The following BCL7A variants were observed in gnomAD, a reference collection of about 807,000 sequenced individuals.
The protein encoded by BCL7A is B-cell CLL/lymphoma 7 protein family member A.
Under a neutral mutation model 28.4 loss-of-function variants are expected in BCL7A, and 11 were observed. The observed-to-expected ratio is 0.39, with a 90% confidence interval of 0.24 to 0.64. The LOEUF (loss-of-function observed/expected upper bound fraction) is 0.64. BCL7A is among the 30% of genes least tolerant of loss of function. The pLI is 0.50. For missense variants in BCL7A, 222 were observed against 274.8 expected, an observed-to-expected ratio of 0.81 and a Z score of 1.36; for synonymous variants, 123 against 103.3, an observed-to-expected ratio of 1.19 and a Z score of -1.15.
chr12:122,021,955 T>A lies in BCL7A; in HGVS notation c.-137T>A, dbSNP rs576086277. 802 of 592,084 alleles carry A rather than the reference T, an allele frequency of 1.4e-3. 4 individuals are homozygous for A. The highest frequency in any genetic ancestry group is 1.9e-3 in the East Asian group (59 of 31,612). The allele number at this position is 592,084 out of a possible 1,614,324, so 36.7% of individuals were successfully genotyped here. On this transcript the variant is annotated 5_prime_UTR_variant, in exon 1 of 6. Transcript: ENST00000261822. ...ATGTGTGTGTGTGTGTGTGTGTGTG[T>A]GTGAGTGTGTGCGTGTGAGAGTGCG...
intron 1 of BCL7A, among the ~76,000 whole-genome samples, chr12:122,023,833 T>A (rs568840490): frequency 6.6e-6 from 1 of 152,126 alleles, no homozygotes; most frequent in African/African-American, 2.4e-5. Context: ...GTTGCTCCCC[T>A]CCTTGCCTCA....
intron 4 of BCL7A, among the ~76,000 whole-genome samples, chr12:122,052,675 TTTGTTTTTTG>T: frequency 6.6e-6 from 1 of 151,824 alleles, no homozygotes; most frequent in Non-Finnish European, 1.5e-5. Flanking sequence ...TTTTTATTGT[TTTGTTTTTTG>T]TTTTGTTTTG....
chr12:122,056,452 G>A (rs893649547), intron 5 of BCL7A, among the ~76,000 whole-genome samples: 2 of 152,110 alleles, frequency 1.3e-5, no homozygotes, highest in Non-Finnish European at 2.9e-5. Flanking sequence ...AGAGCTAGGT[G>A]TGTGAGTGAC....
chr12:122,045,119 G>A (rs374294132), intron 4 of BCL7A, among the ~76,000 whole-genome samples: 17 of 152,212 alleles, frequency 1.1e-4, no homozygotes, highest in East Asian at 5.8e-4. Flanking sequence ...GGTGGCTCAC[G>A]CCTGTAATCC....
rs552952873 is a variant in BCL7A at position 122,054,673 on chromosome 12, C to T, written c.440-132C>T. On this transcript the variant is annotated intron_variant, in intron 4 of 5. Coordinates refer to ENST00000261822, the MANE Select transcript of BCL7A (RefSeq NM_001024808.3). ...GGAGACTCCCCAGCCCTCCAGCCCCCCAGCTCATTGTAGCCTTCAAAGACC... is the reference window on the plus strand; with the variant it reads ...GGAGACTCCCCAGCCCTCCAGCCCCTCAGCTCATTGTAGCCTTCAAAGACC... 9 of 877,490 alleles carry T rather than the reference C, an allele frequency of 1.0e-5. No individual in the cohort carries two copies. The East Asian group carries it at 2.0e-4, about 19-fold the overall frequency. The allele number at this position is 877,490 out of a possible 1,614,324, so 54.4% of individuals were successfully genotyped here.
At chr12:122,049,824 C>T (rs1884154438) in intron 4 of BCL7A, among the ~76,000 whole-genome samples, 1 of 151,972 alleles carries the variant, frequency 6.6e-6, no homozygotes, top group African/African-American at 2.4e-5. Context: ...AGGCTGCGTC[C>T]CTGGAAGTGG....
Position 122,059,234 on chromosome 12 carries a change from C to G in BCL7A, c.*71C>G. On this transcript the variant is annotated 3_prime_UTR_variant, in exon 6 of 6. Transcript: ENST00000261822. The surrounding 1 kb of genome is among the most constrained non-coding windows in gnomAD (Gnocchi z 4.0). ...AGCAATTAATTCTAGAGCAACTTTG[C>G]CCCAGCGATTCCTCTTGGGTGCGAA... 7.0e-7 allele frequency: 1 copy of G among 1,435,536 alleles called. No individual in the cohort carries two copies. The highest frequency in any genetic ancestry group is 2.3e-5 in the East Asian group (1 of 43,742). The allele number at this position is 1,435,536 out of a possible 1,614,324, so 88.9% of individuals were successfully genotyped here.
In BCL7A at chr12:122,029,344, C is replaced by T. The variant is rs1430257765; in HGVS notation, c.93-1356C>T. ...TTTCGGCTGGCTGGGTTTGAGTATG[C>T]TCCGTCATCCCGCAACCCCCGTGGT... On this transcript the variant is annotated intron_variant, in intron 1 of 5. Coordinates refer to ENST00000261822, the MANE Select transcript of BCL7A (RefSeq NM_001024808.3). The surrounding 1 kb of genome is among the most constrained non-coding windows in gnomAD (Gnocchi z 4.3). 6.6e-6 allele frequency among the ~76,000 whole-genome samples: 1 copy of T among 152,026 alleles called. No individual in the cohort carries two copies. Among genetic ancestry groups the T allele is most frequent in the East Asian group, 1.9e-4 (1 of 5,186 alleles).
At chr12:122,030,418 G>A (rs560951571) in intron 1 of BCL7A, among the ~76,000 whole-genome samples, 3 of 152,356 alleles carry the variant, frequency 2.0e-5, no homozygotes, top group Admixed American at 6.5e-5. Flanking sequence ...ACCTGGGCCC[G>A]ACTCGTGCCA....
At chr12:122,049,029 A>ATATAT (rs1197773177) in intron 4 of BCL7A, among the ~76,000 whole-genome samples, 6 of 68,996 alleles carry the variant, frequency 8.7e-5, no homozygotes, top group Non-Finnish European at 1.9e-4. Flanking sequence ...AAAAAAAAAA[A>ATATAT]AAAAAAATAT....
rs1375347642 is a variant in BCL7A, at chr12:122,060,631, G to T, written c.*1468G>T. The T allele has an allele frequency of 8.6e-6, 2 of 233,222 alleles. No individual in the cohort carries two copies. The highest frequency in any genetic ancestry group is 1.8e-4 in the South Asian group (1 of 5,526). The allele number at this position is 233,222 out of a possible 1,614,324, so 14.4% of individuals were successfully genotyped here. On this transcript the variant is annotated 3_prime_UTR_variant, in exon 6 of 6. Coordinates refer to ENST00000261822, the MANE Select transcript of BCL7A (RefSeq NM_001024808.3). Reference sequence around the variant, plus strand: ...GGAGTTCTGACTCCCTTTGAGTTGTGTGTTACTGGGGGTGGGGTGGGGTCA... The same window carrying T: ...GGAGTTCTGACTCCCTTTGAGTTGTTTGTTACTGGGGGTGGGGTGGGGTCA...
intron 3 of BCL7A, 45 bp from the exon 4 acceptor site, chr12:122,043,840 GC>G (rs1343476884): frequency 6.4e-7 from 1 of 1,554,596 alleles, no homozygotes; most frequent in Non-Finnish European, 8.7e-7. Flanking sequence ...CCCGTCCTTG[GC>G]AGCTGTGGGA....
At chr12:122,035,536 G>A (rs1222146822) in intron 3 of BCL7A, 109 bp downstream of exon 3, 6 of 1,006,218 alleles carry the variant, frequency 6.0e-6, no homozygotes, top group Non-Finnish European at 8.9e-6. Context: ...CAGGCAAGGG[G>A]TAGGAGGGCT....
chr12:122,036,577 AC>A (rs1449580046), intron 3 of BCL7A, among the ~76,000 whole-genome samples: 1 of 152,084 alleles, frequency 6.6e-6, no homozygotes, highest in Non-Finnish European at 1.5e-5. Context: ...ATGTTCCCAA[AC>A]TGCACACACC....
At chr12:122,025,192 C>T (rs541338296) in intron 1 of BCL7A, among the ~76,000 whole-genome samples, 2 of 152,218 alleles carry the variant, frequency 1.3e-5, no homozygotes, top group Admixed American at 6.5e-5. Flanking sequence ...GAGACGAAAG[C>T]TTGGGCTGCA....
intron 1 of BCL7A, among the ~76,000 whole-genome samples, chr12:122,023,932 T>G (rs2135835365): frequency 6.6e-6 from 1 of 152,268 alleles, no homozygotes; most frequent in South Asian, 2.1e-4. Flanking sequence ...AAGCCGCCTT[T>G]CTCTGCTCGA....
Position 122,034,425 on chromosome 12 carries a change from T to TA in BCL7A, c.175-884dup, listed in dbSNP as rs35998182. Among the ~76,000 whole-genome samples, 261 of 118,374 alleles carry TA rather than the reference T, an allele frequency of 2.2e-3. 1 individual carries two copies. The highest frequency in any genetic ancestry group is 5.3e-3 in the Admixed American group (58 of 11,034). The allele number at this position is 118,374 out of a possible 152,430, so 77.7% of individuals were successfully genotyped here. ...GTTGTTTCTAACATGATTCCTTTCGTAAAAAAAAAAAAAAAAAAAAAATTG... is the reference window on the plus strand; with the variant it reads ...GTTGTTTCTAACATGATTCCTTTCGTAAAAAAAAAAAAAAAAAAAAAAATTG... On this transcript the variant is annotated intron_variant, in intron 2 of 5. Coordinates refer to ENST00000261822, the MANE Select transcript of BCL7A (RefSeq NM_001024808.3).
chr12:122,031,594 G>A (rs754264051), intron 2 of BCL7A, among the ~76,000 whole-genome samples: 19 of 152,330 alleles, frequency 1.2e-4, no homozygotes, highest in African/African-American at 2.2e-4. Flanking sequence ...CACTTCACAT[G>A]GCTCACCTCA....
At chr12:122,054,645 A>G (rs1181205305) in intron 4 of BCL7A, among the ~76,000 whole-genome samples, 160 bp from the exon 5 acceptor site, 2 of 152,148 alleles carry the variant, frequency 1.3e-5, no homozygotes, top group African/African-American at 4.8e-5. Flanking sequence ...TGAAAAATCA[A>G]CAGGAGACTC....
Sources: gnomAD v4.1 joint callset for allele counts (sites outside exome capture counted in the v4.1 genomes callset) on GRCh38, gnomAD v4.1.1 for gene constraint, Gnocchi (gnomAD v3.1) non-coding constraint, MANE v1.5 for transcripts, NCBI Gene and HGNC (gene_info 2026-07-23, HGNC 2026-07-21) for gene names.